Variants in DAAM1 observed in about 807,000 individuals in gnomAD.
DAAM1 encodes the protein dishevelled associated activator of morphogenesis 1.
A neutral mutation model predicts 130.0 loss-of-function variants in DAAM1; 52 were observed. That is an observed-to-expected ratio of 0.40 (90% CI 0.32 to 0.50). The LOEUF is 0.50. Among genes scored for constraint, DAAM1 ranks in the 20% least tolerant of loss-of-function variants. DAAM1 has a pLI of 0.61. For missense variants in DAAM1, 1,134 were observed against 1,303.8 expected, an observed-to-expected ratio of 0.87 and a Z score of 2.01; for synonymous variants, 452 against 444.5, an observed-to-expected ratio of 1.02 and a Z score of -0.21.
chr14:59,287,996 G>A (rs1883538723), intron 2 of DAAM1, among the ~76,000 whole-genome samples: 1 of 152,080 alleles, frequency 6.6e-6, no homozygotes. Flanking sequence ...AAAGCCGGGG[G>A]CATCACACCA....
chr14:59,307,437 A>G (rs1160372466), intron 3 of DAAM1, among the ~76,000 whole-genome samples: 2 of 152,242 alleles, frequency 1.3e-5, no homozygotes, highest in Non-Finnish European at 2.9e-5. Flanking sequence ...AATATTTGAC[A>G]TGGATTCATG....
At chr14:59,243,542 C>T (rs1023242015) in intron 1 of DAAM1, among the ~76,000 whole-genome samples, 2 of 152,274 alleles carry the variant, frequency 1.3e-5, no homozygotes, top group South Asian at 4.1e-4. Flanking sequence ...TGAGGTGACT[C>T]CTTTACAGAT....
chr14:59,291,428 G>A, intron 3 of DAAM1, 122 bp downstream of exon 3: 1 of 778,074 alleles, frequency 1.3e-6, no homozygotes, highest in South Asian at 2.0e-5. Context: ...AATGTGTTAT[G>A]TTGTGGCTGT....
chr14:59,316,795 C>G (rs1884811076), intron 4 of DAAM1, among the ~76,000 whole-genome samples: 1 of 152,166 alleles, frequency 6.6e-6, no homozygotes, highest in Admixed American at 6.5e-5. Flanking sequence ...AGAATTGTTT[C>G]TCTTTCTAAT....
intron 21 of DAAM1, among the ~76,000 whole-genome samples, chr14:59,359,784 A>T (rs904889831): frequency 4.6e-5 from 7 of 152,278 alleles, no homozygotes; most frequent in African/African-American, 1.7e-4. Context: ...TTAAATAAAG[A>T]TGCATGGCTA....
chr14:59,241,010 A>G (rs1247626659), intron 1 of DAAM1, among the ~76,000 whole-genome samples: 1 of 152,176 alleles, frequency 6.6e-6, no homozygotes, highest in Non-Finnish European at 1.5e-5. Flanking sequence ...GTAATATTTT[A>G]CTGTGTGTGT....
At chr14:59,243,990 G>A (rs919330238) in intron 1 of DAAM1, among the ~76,000 whole-genome samples, 2 of 152,096 alleles carry the variant, frequency 1.3e-5, no homozygotes, top group Non-Finnish European at 2.9e-5. Context: ...GGAAGTTACT[G>A]GTAGACTAAA....
chr14:59,229,197 C>A (rs1566658665), intron 1 of DAAM1, among the ~76,000 whole-genome samples: 1 of 152,184 alleles, frequency 6.6e-6, no homozygotes, highest in Non-Finnish European at 1.5e-5. Context: ...ACCAAAGACA[C>A]TCCCACTTTT....
chr14:59,196,984 G>A lies in DAAM1; in HGVS notation c.-38+8216G>A, dbSNP rs1414502339. Among the ~76,000 whole-genome samples the A allele has an allele frequency of 2.0e-5, 3 of 152,024 alleles. No homozygotes were observed. In the East Asian group the frequency reaches 5.9e-4, roughly 30 times the overall value. On this transcript the variant is annotated intron_variant, in intron 1 of 24. Transcript: ENST00000360909. Reference sequence around the variant, plus strand: ...CGCCCAGGCTGGAGTGCAGTGGCGCGATCTCGGCTCACTGCAAGCTCCGCC... The same window carrying A: ...CGCCCAGGCTGGAGTGCAGTGGCGCAATCTCGGCTCACTGCAAGCTCCGCC...
chr14:59,310,174 G>A (rs887617455), intron 3 of DAAM1, among the ~76,000 whole-genome samples: 6 of 150,334 alleles, frequency 4.0e-5, no homozygotes, highest in South Asian at 2.1e-4. Flanking sequence ...GCAGTGGTGC[G>A]ATCTCGGCTT....
intron 17 of DAAM1, 72 bp downstream of exon 17, chr14:59,347,695 TC>T (rs1456962899): frequency 1.4e-6 from 2 of 1,444,500 alleles, no homozygotes; most frequent in African/African-American, 2.8e-5. Flanking sequence ...GTTGAGAACA[TC>T]CGGTTGTTGC....
At chr14:59,280,573 C>T (rs898216647) in intron 2 of DAAM1, among the ~76,000 whole-genome samples, 1 of 94,296 alleles carries the variant, frequency 1.1e-5, no homozygotes, top group African/African-American at 4.0e-5. Context: ...TCTGCTATGT[C>T]AGACTGCTTT....
intron 2 of DAAM1, among the ~76,000 whole-genome samples, chr14:59,275,109 G>C (rs559208300): frequency 6.6e-6 from 1 of 152,298 alleles, no homozygotes; most frequent in East Asian, 1.9e-4. Flanking sequence ...CGAAGGAGGT[G>C]GCCATGTGTG....
chr14:59,261,725 CGTA>C (rs1340816626), intron 1 of DAAM1, among the ~76,000 whole-genome samples: 21 of 152,242 alleles, frequency 1.4e-4, no homozygotes, highest in African/African-American at 4.8e-4. Context: ...TACTTATTTA[CGTA>C]GTAGTGTTAA....
At chr14:59,351,754 A>T (rs753114527) in intron 17 of DAAM1, among the ~76,000 whole-genome samples, 65 of 107,960 alleles carry the variant, frequency 6.0e-4, no homozygotes, top group Admixed American at 9.7e-4. Context: ...TCAATGTTTT[A>T]AAAAAAAAAA....
intron 16 of DAAM1, among the ~76,000 whole-genome samples, chr14:59,344,763 A>G (rs1420706523): frequency 6.6e-6 from 1 of 152,206 alleles, no homozygotes; most frequent in Non-Finnish European, 1.5e-5. Context: ...GCATAAATAT[A>G]TACAATTTCA....
intron 15 of DAAM1, among the ~76,000 whole-genome samples, chr14:59,334,583 G>A (rs753828085): frequency 1.3e-5 from 2 of 152,090 alleles, no homozygotes; most frequent in Non-Finnish European, 2.9e-5. Context: ...GCATGCAACA[G>A]GAACCCTGCA....
At chr14:59,299,170 C>A (rs1248169776) in intron 3 of DAAM1, among the ~76,000 whole-genome samples, 1 of 152,176 alleles carries the variant, frequency 6.6e-6, no homozygotes, top group African/African-American at 2.4e-5. Flanking sequence ...TACGTTTGTT[C>A]CTCATAATTG....
At chr14:59,313,321 A>C (rs972464567) in intron 3 of DAAM1, among the ~76,000 whole-genome samples, 1 of 152,264 alleles carries the variant, frequency 6.6e-6, no homozygotes, top group African/African-American at 2.4e-5. Context: ...AGAAACTTTC[A>C]CATACTCTAG....
Sources: allele counts gnomAD v4.1 joint callset (sites outside exome capture counted in the v4.1 genomes callset), GRCh38; gene constraint gnomAD v4.1.1; transcripts MANE v1.5; gene names NCBI Gene and HGNC (gene_info 2026-07-23, HGNC 2026-07-21).